TMEM132D: variants seen among roughly 807,000 people sequenced by gnomAD.
The protein encoded by TMEM132D is mature OL transmembrane protein.
A neutral mutation model predicts 62.3 loss-of-function variants in TMEM132D; 21 were observed. The ratio of observed to expected loss-of-function variants is 0.34; its 90% CI spans 0.24 to 0.49. TMEM132D has a LOEUF of 0.49. Among genes scored for constraint, TMEM132D ranks in the 20% least tolerant of loss-of-function variants. The pLI is 0.99. For synonymous variants in TMEM132D, 621 were observed against 575.6 expected (o/e 1.08, Z -1.13); for missense variants, 1,346 against 1,402.8 (o/e 0.96, Z 0.65).
intron 4 of TMEM132D, among the ~76,000 whole-genome samples, chr12:129,300,996 T>C (rs1436587003): frequency 6.6e-6 from 1 of 152,134 alleles, no homozygotes; most frequent in Non-Finnish European, 1.5e-5. Context: ...GTTACATACA[T>C]ACAAATGATC....
At chr12:129,163,698 G>C (rs1877462230) in intron 5 of TMEM132D, among the ~76,000 whole-genome samples, 1 of 152,242 alleles carries the variant, frequency 6.6e-6, no homozygotes, top group Non-Finnish European at 1.5e-5. Flanking sequence ...GGGCCTTGGG[G>C]TGTTAATGGC....
At chr12:129,430,939 C>A (rs1445352816) in intron 3 of TMEM132D, among the ~76,000 whole-genome samples, 2 of 152,230 alleles carry the variant, frequency 1.3e-5, no homozygotes, top group Non-Finnish European at 2.9e-5. Context: ...CCAGCATCAT[C>A]CTCTGTCTGG....
chr12:129,801,288 A>G (rs547123532), intron 1 of TMEM132D, among the ~76,000 whole-genome samples: 7 of 152,196 alleles, frequency 4.6e-5, no homozygotes, highest in African/African-American at 1.7e-4. Context: ...ATAAAAAGAC[A>G]ACAGTCTGAC....
chr12:129,280,052 T>C (rs1881101141), intron 4 of TMEM132D, among the ~76,000 whole-genome samples: 1 of 152,196 alleles, frequency 6.6e-6, no homozygotes, highest in Non-Finnish European at 1.5e-5. Context: ...TATCCATTAG[T>C]AGGAGGGTAA....
At chr12:129,896,265 G>A (rs1036010477) in intron 1 of TMEM132D, among the ~76,000 whole-genome samples, 7 of 152,064 alleles carry the variant, frequency 4.6e-5, no homozygotes, top group Admixed American at 3.3e-4. Flanking sequence ...TGGGATTACA[G>A]ACATGAGCCA....
intron 3 of TMEM132D, among the ~76,000 whole-genome samples, chr12:129,460,857 C>T (rs549084969): frequency 7.1e-4 from 108 of 152,200 alleles, no homozygotes; most frequent in Middle Eastern, 3.4e-3. Context: ...TGATGGGCAC[C>T]TTCATTTACA....
chr12:129,505,508 G>A (rs1322694186), intron 3 of TMEM132D, among the ~76,000 whole-genome samples: 1 of 152,164 alleles, frequency 6.6e-6, no homozygotes, highest in East Asian at 1.9e-4. Flanking sequence ...CTCCCACGGT[G>A]CTGGGATTAC....
chr12:129,707,647 C>A (rs980188562), intron 1 of TMEM132D, among the ~76,000 whole-genome samples: 1 of 152,190 alleles, frequency 6.6e-6, no homozygotes, highest in Admixed American at 6.5e-5. Flanking sequence ...TATGTGCCAT[C>A]AATATGTTGG....
chr12:129,698,106 T>C (rs770117739), intron 2 of TMEM132D: 1 of 152,166 alleles, frequency 6.6e-6, no homozygotes, highest in African/African-American at 2.4e-5. Flanking sequence ...AATATTTCTC[T>C]ACGTAAGCAG....
chr12:129,115,323 A>G (rs1278401447), intron 5 of TMEM132D, among the ~76,000 whole-genome samples: 1 of 152,160 alleles, frequency 6.6e-6, no homozygotes, highest in African/African-American at 2.4e-5. Flanking sequence ...GGACGATGCA[A>G]TTCACCTTCC....
intron 1 of TMEM132D, among the ~76,000 whole-genome samples, chr12:129,703,065 C>T (rs949242248): frequency 3.3e-5 from 5 of 152,204 alleles, no homozygotes; most frequent in African/African-American, 1.2e-4. Flanking sequence ...CACATCTTGG[C>T]ACCACTCAGA....
chr12:129,244,452 G>A (rs1453244950), intron 4 of TMEM132D, among the ~76,000 whole-genome samples: 1 of 150,922 alleles, frequency 6.6e-6, no homozygotes, highest in African/African-American at 2.4e-5. Flanking sequence ...TGTTCATTCA[G>A]CAAACTTCTT....
intron 1 of TMEM132D, among the ~76,000 whole-genome samples, chr12:129,826,568 CA>C (rs1253907068): frequency 6.6e-6 from 1 of 152,134 alleles, no homozygotes; most frequent in Non-Finnish European, 1.5e-5. Context: ...TCTTTGAACT[CA>C]ACTTTGTACT....
chr12:129,805,083 G>A (rs1871934912), intron 1 of TMEM132D, among the ~76,000 whole-genome samples: 2 of 149,266 alleles, frequency 1.3e-5, no homozygotes, highest in Admixed American at 1.3e-4. Context: ...TCATGGGTAG[G>A]AAGAATCAAT....
At chr12:129,342,928 A>C (rs1470311168) in intron 3 of TMEM132D, among the ~76,000 whole-genome samples, 4 of 152,192 alleles carry the variant, frequency 2.6e-5, no homozygotes, top group Admixed American at 1.3e-4. Context: ...AGGAAACAAG[A>C]GGTGCTGGAG....
intron 2 of TMEM132D, among the ~76,000 whole-genome samples, chr12:129,549,007 A>G (rs576713095): frequency 4.6e-5 from 7 of 152,352 alleles, no homozygotes; most frequent in Non-Finnish European, 1.0e-4. Flanking sequence ...TGAGAATTGT[A>G]TCACCATTTC....
intron 1 of TMEM132D, among the ~76,000 whole-genome samples, chr12:129,713,449 A>T (rs1339217168): frequency 1.3e-5 from 2 of 151,660 alleles, no homozygotes; most frequent in African/African-American, 4.8e-5. Flanking sequence ...CAAGTAGTGT[A>T]TGCAAAGGAG....
intron 1 of TMEM132D, among the ~76,000 whole-genome samples, chr12:129,720,749 T>C (rs912722940): frequency 2.6e-5 from 4 of 152,188 alleles, no homozygotes; most frequent in Non-Finnish European, 4.4e-5. Flanking sequence ...CAAAGCACTG[T>C]GATGCTTTCT....
chr12:129,322,353 C>T (rs1482485353), intron 4 of TMEM132D, among the ~76,000 whole-genome samples: 1 of 152,146 alleles, frequency 6.6e-6, no homozygotes, highest in African/African-American at 2.4e-5. Flanking sequence ...ATTTTCTTTC[C>T]ACCAGCCTTA....
Sources: gnomAD v4.1 joint callset for allele counts (sites outside exome capture counted in the v4.1 genomes callset) on GRCh38, gnomAD v4.1.1 for gene constraint, MANE v1.5 for transcripts, NCBI Gene and HGNC (gene_info 2026-07-23, HGNC 2026-07-21) for gene names.